LRP1B: variants seen among roughly 807,000 people sequenced by gnomAD.
LRP1B encodes low-density lipoprotein receptor-related protein 1B.
A neutral mutation model predicts 556.6 loss-of-function variants in LRP1B; 217 were observed. The ratio of observed to expected loss-of-function variants is 0.39; its 90% confidence interval spans 0.35 to 0.44. The LOEUF is 0.44. Ranked by LOEUF, LRP1B falls within the 20% of genes least tolerant of loss-of-function variation. The pLI is 1.00. For missense variants in LRP1B, 5,053 were observed against 5,620.8 expected, an observed-to-expected ratio of 0.90 and a Z score of 3.23; for synonymous variants, 2,047 against 1,865.8, an observed-to-expected ratio of 1.10 and a Z score of -2.50.
intron 84 of LRP1B, among the ~76,000 whole-genome samples, chr2:140,296,750 A>C (rs1290219829): frequency 6.6e-6 from 1 of 152,226 alleles, no homozygotes; most frequent in Non-Finnish European, 1.5e-5. Context: ...AGATTTGATC[A>C]TTATATATGG....
In LRP1B at chr2:141,939,650, A is replaced by G. The variant is rs115379121; in HGVS notation, c.83-129249T>C. Reference sequence around the variant, plus strand: ...ACTTATTTGGCTGTATTTTACTATTATATATGTTTTGATGTCATTTACTTC... The same window carrying G: ...ACTTATTTGGCTGTATTTTACTATTGTATATGTTTTGATGTCATTTACTTC... On this transcript the variant is annotated intron_variant, in intron 1 of 90. Coordinates refer to ENST00000389484, the MANE Select transcript of LRP1B (RefSeq NM_018557.3). 4.9e-3 allele frequency among the ~76,000 whole-genome samples: 739 copies of G among 152,272 alleles called. 6 individuals are homozygous for G. The highest frequency in any genetic ancestry group is 7.8e-3 in the Non-Finnish European group (530 of 67,958).
At chr2:141,414,079 T>G (rs1690970948) in intron 3 of LRP1B, among the ~76,000 whole-genome samples, 1 of 151,116 alleles carries the variant, frequency 6.6e-6, no homozygotes, top group Non-Finnish European at 1.5e-5. Context: ...CTACTAAAAA[T>G]ACAAAAAATT....
rs999625785 is a variant in LRP1B at position 141,585,462 on chromosome 2, T to C, written c.206-104929A>G. Among the ~76,000 whole-genome samples the C allele has an allele frequency of 3.3e-5, 5 of 150,590 alleles. No individual in the cohort carries two copies. In the East Asian group the frequency reaches 5.9e-4, roughly 18 times the overall value. ...GTGTGTGTGTGTGTGTGTGTGTGTG[T>C]GTGTGTGATGGGGTGGGGCTGAGGA... On this transcript the variant is annotated intron_variant, in intron 2 of 90. Coordinates refer to ENST00000389484, the MANE Select transcript of LRP1B (RefSeq NM_018557.3).
chr2:140,322,331 A>G (rs932774117), intron 81 of LRP1B, among the ~76,000 whole-genome samples: 5 of 152,034 alleles, frequency 3.3e-5, no homozygotes, highest in Non-Finnish European at 7.4e-5. Context: ...GAGAGAAGAA[A>G]TTATTCAAAT....
At chr2:141,867,765 A>C (rs1006561992) in intron 1 of LRP1B, among the ~76,000 whole-genome samples, 2 of 152,166 alleles carry the variant, frequency 1.3e-5, no homozygotes. Flanking sequence ...GAGGCATGAA[A>C]TGTAACACGG....
chr2:141,200,634 C>G (rs189150865), intron 6 of LRP1B, among the ~76,000 whole-genome samples: 1 of 152,056 alleles, frequency 6.6e-6, no homozygotes, highest in Non-Finnish European at 1.5e-5. Flanking sequence ...CATACATACA[C>G]GCATACACAC....
At chr2:141,153,870 CA>C (rs574494874) in intron 7 of LRP1B, among the ~76,000 whole-genome samples, 93 of 151,126 alleles carry the variant, frequency 6.2e-4, no homozygotes, top group African/African-American at 1.7e-3. Flanking sequence ...TAAAAAGAAC[CA>C]GAAACTTCTT....
At chr2:140,979,340 A>G (rs75991795) in intron 18 of LRP1B, among the ~76,000 whole-genome samples, 1 of 151,844 alleles carries the variant, frequency 6.6e-6, no homozygotes, top group East Asian at 1.9e-4. Context: ...AAGTGGCATT[A>G]TTTTTTAAAA....
At chr2:141,276,755 C>T (rs567931433) in intron 3 of LRP1B, among the ~76,000 whole-genome samples, 2 of 149,892 alleles carry the variant, frequency 1.3e-5, no homozygotes, top group Admixed American at 1.3e-4. Context: ...CTCCCCGGTT[C>T]ACGCCATTCT....
intron 20 of LRP1B, among the ~76,000 whole-genome samples, chr2:140,946,538 T>C (rs575497485): frequency 6.6e-6 from 1 of 151,680 alleles, no homozygotes; most frequent in Non-Finnish European, 1.5e-5. Context: ...GAGGTGGAGG[T>C]TGCAGTGAGC....
At chr2:141,997,997 C>T (rs1435397129) in intron 1 of LRP1B, among the ~76,000 whole-genome samples, 7 of 151,954 alleles carry the variant, frequency 4.6e-5, no homozygotes, top group Non-Finnish European at 8.8e-5. Flanking sequence ...ATAGTTATTA[C>T]TACAGGGGCT....
chr2:140,789,682 G>A (rs1401662189), intron 32 of LRP1B, among the ~76,000 whole-genome samples: 2 of 131,200 alleles, frequency 1.5e-5, no homozygotes, highest in Admixed American at 1.7e-4. Context: ...CCAGGCTGGA[G>A]TGCAGTGGCG....
At chr2:141,951,209 G>GT in intron 1 of LRP1B, among the ~76,000 whole-genome samples, 1 of 151,672 alleles carries the variant, frequency 6.6e-6, no homozygotes, top group Middle Eastern at 3.4e-3. Flanking sequence ...TATTTCAATA[G>GT]TTTTGGGGGT....
rs556357160 is a variant in LRP1B, at chr2:140,533,311, A to G, written c.7762+710T>C. 7.9e-5 allele frequency among the ~76,000 whole-genome samples: 12 copies of G among 152,234 alleles called. No individual in the cohort carries two copies. In the South Asian group the frequency reaches 2.5e-3, roughly 32 times the overall value. ...TATTTAATATTGTTTTTCTTATTTA[A>G]TTATTTTTTCTACCTTGCTATTTGG... On this transcript the variant is annotated intron_variant, in intron 47 of 90. Transcript: ENST00000389484.
intron 3 of LRP1B, among the ~76,000 whole-genome samples, chr2:141,336,217 G>A (rs1687845436): frequency 6.6e-6 from 1 of 151,774 alleles, no homozygotes; most frequent in African/African-American, 2.4e-5. Context: ...TTGGCTCCTG[G>A]CTTCTTCCTG....
At chr2:140,880,767 A>G (rs1693448603) in intron 25 of LRP1B, among the ~76,000 whole-genome samples, 1 of 152,156 alleles carries the variant, frequency 6.6e-6, no homozygotes, top group South Asian at 2.1e-4. Flanking sequence ...ATTGTAAACA[A>G]AGTTCATAGT....
rs950111669 is a variant in LRP1B, at chr2:140,400,014, G to A, written c.10415-14005C>T. On this transcript the variant is annotated intron_variant, in intron 66 of 90. Transcript: ENST00000389484. ...TTGGTAATTTGTGGTTAGAGCAGAA[G>A]AACAACAACATCTTGAGATGTTGAG... Among the ~76,000 whole-genome samples, 6 of 152,156 alleles carry A rather than the reference G, an allele frequency of 3.9e-5. No individual in the cohort carries two copies. In the South Asian group the frequency reaches 1.2e-3, roughly 32 times the overall value.
intron 20 of LRP1B, among the ~76,000 whole-genome samples, chr2:140,936,304 C>T (rs1221237127): frequency 8.0e-6 from 1 of 125,444 alleles, no homozygotes; most frequent in Non-Finnish European, 1.6e-5. Flanking sequence ...TGTGCCACTG[C>T]ACTCCAGCCT....
chr2:142,041,976 T>A (rs1235754615), intron 1 of LRP1B, among the ~76,000 whole-genome samples: 1 of 151,518 alleles, frequency 6.6e-6, no homozygotes, highest in African/African-American at 2.4e-5. Flanking sequence ...AAGATGATTA[T>A]TTTTTATTAT....
Sources: gnomAD v4.1 joint callset for allele counts (sites outside exome capture counted in the v4.1 genomes callset) on GRCh38, gnomAD v4.1.1 for gene constraint, MANE v1.5 for transcripts, NCBI Gene and HGNC (gene_info 2026-07-23, HGNC 2026-07-21) for gene names.